The following TPRG1 variants were observed in gnomAD, a reference collection of about 807,000 sequenced individuals.
TPRG1 encodes tumor protein p63 regulated 1.
TPRG1 carries 29 observed loss-of-function variants against 29.3 expected under a neutral mutation model. The ratio of observed to expected loss-of-function variants is 0.99; its 90% CI spans 0.74 to 1.35. The LOEUF (loss-of-function observed/expected upper bound fraction) is 1.35. Among genes scored for constraint, TPRG1 ranks in the 40% most tolerant of loss-of-function variants. TPRG1 has a pLI of 0.00. For missense variants in TPRG1, 327 were observed against 335.0 expected (o/e 0.98, Z 0.19); for synonymous variants, 130 against 116.8 (o/e 1.11, Z -0.73).
intron 3 of TPRG1, among the ~76,000 whole-genome samples, chr3:189,014,207 G>A (rs182736988): frequency 2.6e-4 from 39 of 152,230 alleles, no homozygotes; most frequent in Non-Finnish European, 1.3e-4. Context: ...TAGTGGTAAC[G>A]AATTGCCTCA....
intron 4 of TPRG1, among the ~76,000 whole-genome samples, chr3:189,301,986 G>A (rs375747547): frequency 1.3e-5 from 2 of 152,248 alleles, no homozygotes; most frequent in Middle Eastern, 3.4e-3. Context: ...CACCCTGCTT[G>A]CTCACATGTA....
chr3:189,005,295 G>A (rs1712230834), intron 3 of TPRG1, among the ~76,000 whole-genome samples: 1 of 152,120 alleles, frequency 6.6e-6, no homozygotes, highest in Non-Finnish European at 1.5e-5. Context: ...AGTAAAGTGT[G>A]ATACAAAGTG....
intron 3 of TPRG1, among the ~76,000 whole-genome samples, chr3:189,230,114 A>G (rs964266345): frequency 3.9e-5 from 6 of 152,176 alleles, no homozygotes; most frequent in Non-Finnish European, 8.8e-5. Flanking sequence ...GGTGTGCTGT[A>G]GAGTACTTGA....
intron 1 of TPRG1, among the ~76,000 whole-genome samples, chr3:189,197,854 A>G (rs1226303569): frequency 6.6e-6 from 1 of 152,228 alleles, no homozygotes; most frequent in African/African-American, 2.4e-5. Context: ...ACAATATTGG[A>G]CCATACACAA....
chr3:189,224,939 T>C (rs1454485963), intron 3 of TPRG1, among the ~76,000 whole-genome samples: 3 of 149,652 alleles, frequency 2.0e-5, no homozygotes, highest in Non-Finnish European at 4.5e-5. Context: ...TTCTTTTTTT[T>C]TTTTTTTTTT....
intron 3 of TPRG1, among the ~76,000 whole-genome samples, chr3:189,023,477 A>G (rs1382938118): frequency 6.6e-6 from 1 of 152,142 alleles, no homozygotes; most frequent in Non-Finnish European, 1.5e-5. Flanking sequence ...GTTTTTATCC[A>G]TATTCTGAAG....
intron 1 of TPRG1, among the ~76,000 whole-genome samples, chr3:189,188,117 T>C (rs756002130): frequency 6.6e-6 from 1 of 152,102 alleles, no homozygotes; most frequent in Non-Finnish European, 1.5e-5. Context: ...GAAAAGATAA[T>C]TGAAAAAAAG....
At chr3:189,265,917 T>C (rs2109059834) in intron 4 of TPRG1, among the ~76,000 whole-genome samples, 1 of 152,294 alleles carries the variant, frequency 6.6e-6, no homozygotes, top group Middle Eastern at 3.4e-3. Context: ...CAGTTCATCA[T>C]TAGATGGGAC....
At chr3:189,224,456 G>A (rs1465909777) in intron 3 of TPRG1, among the ~76,000 whole-genome samples, 4 of 152,100 alleles carry the variant, frequency 2.6e-5, no homozygotes, top group Non-Finnish European at 5.9e-5. Context: ...CTCCAGCCTG[G>A]CTGTAGAGCG....
chr3:189,317,977 A>C (rs768022692), intron 5 of TPRG1, among the ~76,000 whole-genome samples: 10 of 152,130 alleles, frequency 6.6e-5, no homozygotes, highest in Non-Finnish European at 1.3e-4. Context: ...GTCTCTACAC[A>C]CTTGAATTTA....
At chr3:189,300,263 T>C (rs1720625427) in intron 4 of TPRG1, among the ~76,000 whole-genome samples, 1 of 152,196 alleles carries the variant, frequency 6.6e-6, no homozygotes, top group African/African-American at 2.4e-5. Context: ...ACTTTCCTCA[T>C]CTGTAAAATA....
intron 1 of TPRG1, chr3:189,126,922 A>G (rs986892978): frequency 5.9e-5 from 9 of 152,218 alleles, no homozygotes; most frequent in African/African-American, 1.9e-4. Flanking sequence ...GATGAGTGTG[A>G]TGATGATCTA....
intron 2 of TPRG1, among the ~76,000 whole-genome samples, chr3:189,128,397 AT>A (rs566980735): frequency 3.3e-4 from 50 of 152,350 alleles, no homozygotes; most frequent in Admixed American, 2.1e-3. Context: ...GGAAATAAAA[AT>A]ACAGGGCATC....
At chr3:189,182,900 C>T (rs929773662) in intron 1 of TPRG1, among the ~76,000 whole-genome samples, 1 of 152,136 alleles carries the variant, frequency 6.6e-6, no homozygotes, top group African/African-American at 2.4e-5. Context: ...CTCAATCAAG[C>T]TAATTAACAT....
In TPRG1 at chr3:189,007,211, AC is replaced by A. The variant is rs367705189; in HGVS notation, c.-660+2452del. Among the ~76,000 whole-genome samples the A allele has an allele frequency of 5.9e-4, 90 of 152,156 alleles. No homozygotes were observed. The East Asian group carries it at 0.016, about 27-fold the overall frequency. Reference sequence around the variant, plus strand: ...AACCAAATTTACAAGAAAAAAACAAACAACCCCATCAAAAAGTGGGCGAAGG... The same window carrying A: ...AACCAAATTTACAAGAAAAAAACAAAAACCCCATCAAAAAGTGGGCGAAGG... On this transcript the variant is annotated intron_variant, in intron 3 of 10. Transcript: ENST00000433971.
intron 4 of TPRG1, among the ~76,000 whole-genome samples, chr3:189,290,097 G>A (rs73055991): frequency 0.012 from 1,768 of 152,302 alleles, 33 homozygotes; most frequent in African/African-American, 0.041. Context: ...CTCTATGGCA[G>A]TGGGGGTGTT....
chr3:189,222,484 C>A (rs907211037), intron 3 of TPRG1, among the ~76,000 whole-genome samples: 6 of 152,162 alleles, frequency 3.9e-5, no homozygotes, highest in Middle Eastern at 3.4e-3. Flanking sequence ...TAGTCTAGAC[C>A]CCTGGTACTC....
rs918264756 is a variant in TPRG1 at position 189,017,140 on chromosome 3, AT to A, written c.-659-6600del. 2.8e-3 allele frequency among the ~76,000 whole-genome samples: 385 copies of A among 135,814 alleles called. 3 individuals carry two copies. Among genetic ancestry groups the A allele is most frequent in the African/African-American group, 9.6e-3 (353 of 36,664 alleles). The allele number at this position is 135,814 out of a possible 152,430, so 89.1% of individuals were successfully genotyped here. A position where few individuals can be genotyped will look rare whatever the true frequency, so the allele number is the denominator to read the frequency against. ...TTGGACATTTTGTTCATGCCTTTTC[AT>A]TTTTTTTTTCTAATCTTGTCTGCCT... is the stretch of plus-strand genomic sequence containing the variant. On this transcript the variant is annotated intron_variant, in intron 3 of 10. Coordinates refer to the TPRG1 transcript ENST00000433971.
chr3:189,283,704 C>G (rs1717541189), intron 4 of TPRG1, among the ~76,000 whole-genome samples: 1 of 152,152 alleles, frequency 6.6e-6, no homozygotes, highest in Non-Finnish European at 1.5e-5. Flanking sequence ...CTACATGAGG[C>G]AAGGGATTAT....
Sources: allele counts gnomAD v4.1 joint callset (sites outside exome capture counted in the v4.1 genomes callset), GRCh38; gene constraint gnomAD v4.1.1; transcripts MANE v1.5; gene names NCBI Gene and HGNC (gene_info 2026-07-23, HGNC 2026-07-21).